The following ANAPC4 variants were observed in gnomAD, a reference collection of about 807,000 sequenced individuals.
ANAPC4 encodes the protein anaphase-promoting complex subunit 4.
A neutral mutation model predicts 119.8 loss-of-function variants in ANAPC4; 63 were observed. The observed-to-expected ratio is 0.53, with a 90% CI of 0.43 to 0.65. The LOEUF (loss-of-function observed/expected upper bound fraction) is 0.65, where lower values mean the gene tolerates loss of function less well. Ranked by LOEUF, ANAPC4 falls within the 30% of genes least tolerant of loss-of-function variation. The probability of loss-of-function intolerance (pLI) is 0.00; values close to 1 mark genes in which losing one functional copy is unlikely to be tolerated. For missense variants in ANAPC4, 716 were observed against 945.1 expected, an observed-to-expected ratio of 0.76 and a Z score of 3.18; for synonymous variants, 283 against 318.6, an observed-to-expected ratio of 0.89 and a Z score of 1.19.
At chr4:25,416,378 A>G in intron 26 of ANAPC4, 47 bp from the exon 27 acceptor site, 1 of 1,308,618 alleles carries the variant, frequency 7.6e-7, no homozygotes, top group South Asian at 2.1e-5. Context: ...ATATTTTCTC[A>G]GTAGTCACGA....
intron 7 of ANAPC4, among the ~76,000 whole-genome samples, chr4:25,389,668 GTTTTAT>G (rs1722234584): frequency 6.6e-6 from 1 of 152,064 alleles, no homozygotes; most frequent in African/African-American, 2.4e-5. Context: ...GTGGCCTTTC[GTTTTAT>G]GAAGTTTTAA....
At chr4:25,393,672 T>C in intron 10 of ANAPC4, 133 bp from the exon 11 acceptor site, 2 of 537,748 alleles carry the variant, frequency 3.7e-6, no homozygotes, top group African/African-American at 2.0e-5. Flanking sequence ...GATAAATAAA[T>C]AATAAAAATA....
At chr4:25,387,326 A>T (rs928051672) in intron 4 of ANAPC4, among the ~76,000 whole-genome samples, 5 of 152,230 alleles carry the variant, frequency 3.3e-5, no homozygotes, top group African/African-American at 1.2e-4. Flanking sequence ...ATTAAGTTAT[A>T]CTAAGGTAAT....
intron 5 of ANAPC4, 60 bp from the exon 6 acceptor site, chr4:25,388,657 G>A (rs888991738): frequency 9.8e-5 from 154 of 1,564,538 alleles, no homozygotes; most frequent in African/African-American, 1.1e-4. Flanking sequence ...TTTCTCATGC[G>A]TTTTAAAATA....
chr4:25,385,720 C>A (rs905381008), intron 4 of ANAPC4, among the ~76,000 whole-genome samples: 2 of 152,190 alleles, frequency 1.3e-5, no homozygotes, highest in Non-Finnish European at 2.9e-5. Context: ...ACGTGCCTTC[C>A]TCTCTAAGCC....
Position 25,414,710 on chromosome 4 carries a change from A to T in ANAPC4, c.1826+10A>T, listed in dbSNP as rs781634286. Reference sequence around the variant, plus strand: ...ATACTGATATTTCTCAGTAAGTATTAATCTGAAGTTTGAATCAAAGAGATA... The same window carrying T: ...ATACTGATATTTCTCAGTAAGTATTTATCTGAAGTTTGAATCAAAGAGATA... On this transcript the variant is annotated intron_variant, in intron 25 of 28. Coordinates refer to ENST00000315368, the MANE Select transcript of ANAPC4 (RefSeq NM_013367.3). 1 of 1,494,504 alleles carries T rather than the reference A, an allele frequency of 6.7e-7. No homozygotes were observed. Among genetic ancestry groups the T allele is most frequent in the Non-Finnish European group, 9.0e-7 (1 of 1,113,514 alleles). 92.6% of individuals were successfully genotyped at this position (1,494,504 alleles called of 1,614,324 possible). A position where few individuals can be genotyped will look rare whatever the true frequency, so the allele number is the denominator to read the frequency against.
intron 27 of ANAPC4, chr4:25,417,400 C>A: frequency 2.7e-6 from 1 of 367,314 alleles, no homozygotes. Context: ...AGATTCCAGG[C>A]ATGAGCCACT....
At chr4:25,407,579 G>A (rs1297617084) in intron 20 of ANAPC4, among the ~76,000 whole-genome samples, 3 of 151,648 alleles carry the variant, frequency 2.0e-5, no homozygotes, top group Non-Finnish European at 4.4e-5. Flanking sequence ...TTCACCCAGG[G>A]CGACAGAACA....
intron 20 of ANAPC4, among the ~76,000 whole-genome samples, chr4:25,409,006 G>A (rs554551296): frequency 1.3e-5 from 2 of 152,278 alleles, no homozygotes; most frequent in South Asian, 4.1e-4. Context: ...AGTGACTGCT[G>A]GTATGATTTG....
chr4:25,384,179 C>A (rs746428914), intron 4 of ANAPC4, among the ~76,000 whole-genome samples: 2 of 152,206 alleles, frequency 1.3e-5, no homozygotes, highest in Admixed American at 1.3e-4. Context: ...CTTTGCTCAT[C>A]CCTAAGAAGC....
chr4:25,415,606 G>A (rs766470729), intron 26 of ANAPC4, 66 bp downstream of exon 26: 8 of 1,415,356 alleles, frequency 5.7e-6, no homozygotes, highest in Non-Finnish European at 7.9e-6. Flanking sequence ...TTTAGGAATA[G>A]GATCAGACTC....
Position 25,396,042 on chromosome 4 carries a change from G to A in ANAPC4, c.1062-622G>A, listed in dbSNP as rs1400149979. On this transcript the variant is annotated intron_variant, in intron 14 of 28. Coordinates refer to ENST00000315368, the MANE Select transcript of ANAPC4 (RefSeq NM_013367.3). ...AACTTGACATTTTGTCTCCTGCCTAGGGCTTTTGCATATTCCTCTTGTCCC... is the reference window on the plus strand; with the variant it reads ...AACTTGACATTTTGTCTCCTGCCTAAGGCTTTTGCATATTCCTCTTGTCCC... 2.0e-5 allele frequency among the ~76,000 whole-genome samples: 3 copies of A among 152,164 alleles called. No individual in the cohort carries two copies. The East Asian group carries it at 5.8e-4, about 29-fold the overall frequency.
At chr4:25,409,843 A>G (rs1395873290) in intron 21 of ANAPC4, 52 bp downstream of exon 21, 1 of 1,297,846 alleles carries the variant, frequency 7.7e-7, no homozygotes, top group Admixed American at 1.7e-5. Flanking sequence ...ATTTAAGACT[A>G]GGTCTTGAAT....
chr4:25,398,748 T>A lies in ANAPC4; in HGVS notation c.1214+1849T>A, dbSNP rs1722790428. Among the ~76,000 whole-genome samples, 3 of 152,120 alleles carry A rather than the reference T, an allele frequency of 2.0e-5. No individual in the cohort carries two copies. In the South Asian group the frequency reaches 6.2e-4, roughly 31 times the overall value. ...GCCAAGAGAGAAATGGTGGTCAGAA[T>A]CTGAAGTGGTCAGGATTGGGATATA... On this transcript the variant is annotated intron_variant, in intron 16 of 28. Transcript: ENST00000315368.
Position 25,393,730 on chromosome 4 carries a change from A to G in ANAPC4, c.790-75A>G. The G allele has an allele frequency of 7.5e-6, 6 of 794,718 alleles. No individual in the cohort carries two copies. The South Asian group carries it at 1.2e-4, about 16-fold the overall frequency. The allele number at this position is 794,718 out of a possible 1,614,324, so 49.2% of individuals were successfully genotyped here. A position where few individuals can be genotyped will look rare whatever the true frequency, so the allele number is the denominator to read the frequency against. On this transcript the variant is annotated intron_variant, in intron 10 of 28. Coordinates refer to ENST00000315368, the MANE Select transcript of ANAPC4 (RefSeq NM_013367.3). ...CTAGATTTCTTTGAGACACTTGATC[A>G]TAAGCACATATTATTTAGATAGCAA...
intron 4 of ANAPC4, among the ~76,000 whole-genome samples, chr4:25,387,391 C>G (rs1268973591): frequency 6.6e-6 from 1 of 152,022 alleles, no homozygotes. Flanking sequence ...TAAGGGAAGC[C>G]TGAAAGAATT....
At position 25,377,399 on chromosome 4, in the gene ANAPC4, G is replaced by A. The variant is rs780857667; in HGVS notation, c.-10-19G>A. 1 of 1,612,026 alleles carries A rather than the reference G, an allele frequency of 6.2e-7. No homozygotes were observed. Among genetic ancestry groups the A allele is most frequent in the Non-Finnish European group, 8.5e-7 (1 of 1,178,882 alleles). ...GAGCCGGGGGCTCCTGCCGGCCTCT[G>A]ACTGGGGTGTCGTTGCAGGGCCGTC... On this transcript the variant is annotated intron_variant, in intron 1 of 28. Coordinates refer to ENST00000315368, the MANE Select transcript of ANAPC4 (RefSeq NM_013367.3).
intron 3 of ANAPC4, among the ~76,000 whole-genome samples, chr4:25,382,046 A>G (rs1180144354): frequency 6.6e-6 from 1 of 152,254 alleles, no homozygotes; most frequent in East Asian, 1.9e-4. Context: ...ACATACATGT[A>G]GAGATCTATA....
intron 21 of ANAPC4, among the ~76,000 whole-genome samples, chr4:25,410,041 G>A (rs980665967): frequency 1.3e-5 from 2 of 152,142 alleles, no homozygotes; most frequent in Non-Finnish European, 2.9e-5. Flanking sequence ...TCATATAAGT[G>A]TTTTGCACCC....
Sources: gnomAD v4.1 joint callset for allele counts (sites outside exome capture counted in the v4.1 genomes callset) on GRCh38, gnomAD v4.1.1 for gene constraint, MANE v1.5 for transcripts, NCBI Gene and HGNC (gene_info 2026-07-23, HGNC 2026-07-21) for gene names.